Variants in GNG12 observed in about 807,000 individuals in gnomAD.
GNG12 encodes G protein subunit gamma 12, also known as guanine nucleotide-binding protein G(I)/G(S)/G(O) subunit gamma-12.
For synonymous variants in GNG12, 28 were observed against 29.7 expected, an observed-to-expected ratio of 0.94 and a Z score of 0.19; for missense variants, 69 against 83.8, an observed-to-expected ratio of 0.82 and a Z score of 0.69.
intron 1 of GNG12, among the ~76,000 whole-genome samples, chr1:67,832,865 T>A (rs1570585423): frequency 6.6e-6 from 1 of 152,086 alleles, no homozygotes; most frequent in Admixed American, 6.5e-5. Flanking sequence ...CGCCCCCACA[T>A]GCCAGCCCTC....
chr1:67,801,870 C>T (rs1473417221), intron 1 of GNG12, among the ~76,000 whole-genome samples: 2 of 150,304 alleles, frequency 1.3e-5, no homozygotes, highest in Non-Finnish European at 2.9e-5. Flanking sequence ...CAACCAGCAT[C>T]GTTCTTCGCT....
chr1:67,714,425 A>G (rs913650916), intron 2 of GNG12, among the ~76,000 whole-genome samples: 1 of 152,218 alleles, frequency 6.6e-6, no homozygotes, highest in Non-Finnish European at 1.5e-5. Context: ...TTTAAGCCTC[A>G]GCTTTCTCAT....
chr1:67,820,030 T>G (rs184766202), intron 1 of GNG12, among the ~76,000 whole-genome samples: 2 of 151,906 alleles, frequency 1.3e-5, no homozygotes, highest in East Asian at 3.9e-4. Flanking sequence ...AGGAATTTTG[T>G]GTATCTTGTT....
intron 1 of GNG12, among the ~76,000 whole-genome samples, chr1:67,820,758 C>T (rs1164717332): frequency 6.6e-6 from 1 of 152,202 alleles, no homozygotes; most frequent in Non-Finnish European, 1.5e-5. Context: ...AGCTCAGCTA[C>T]TATAAGGAGT....
At position 67,704,782 on chromosome 1, in the gene GNG12, G is replaced by A. The variant is rs985487832; in HGVS notation, c.*669C>T. Reference sequence around the variant, plus strand: ...TCCAGCAAGATTTCAAGAGAGGAGAGATGATTGCATTACTTGATTACAATG... The same window carrying A: ...TCCAGCAAGATTTCAAGAGAGGAGAAATGATTGCATTACTTGATTACAATG... On this transcript the variant is annotated 3_prime_UTR_variant, in exon 4 of 4. Transcript: ENST00000370982. 5 of 152,592 alleles carry A rather than the reference G, an allele frequency of 3.3e-5. No individual in the cohort carries two copies. The highest frequency in any genetic ancestry group is 7.3e-5 in the Non-Finnish European group (5 of 68,040). The allele number at this position is 152,592 out of a possible 1,614,324, so 9.5% of individuals were successfully genotyped here.
At chr1:67,816,987 G>T (rs1362908827) in intron 1 of GNG12, among the ~76,000 whole-genome samples, 1 of 152,178 alleles carries the variant, frequency 6.6e-6, no homozygotes. Context: ...AGTGCTTTAA[G>T]TTATTTTGAT....
intron 1 of GNG12, among the ~76,000 whole-genome samples, chr1:67,790,634 G>A (rs566088668): frequency 6.8e-6 from 1 of 146,392 alleles, no homozygotes; most frequent in Admixed American, 7.0e-5. Flanking sequence ...TTTTGAGATG[G>A]AATCTCGCTC....
intron 2 of GNG12, among the ~76,000 whole-genome samples, chr1:67,718,903 CT>C (rs768972539): frequency 6.6e-6 from 1 of 152,204 alleles, no homozygotes; most frequent in Middle Eastern, 3.2e-3. Context: ...CTACACAGAG[CT>C]TACTATATGC....
chr1:67,741,006 CAAACT>C (rs1646480304), intron 2 of GNG12, among the ~76,000 whole-genome samples: 1 of 151,982 alleles, frequency 6.6e-6, no homozygotes, highest in African/African-American at 2.4e-5. Flanking sequence ...AAAAAAAACC[CAAACT>C]AAAGAATAAA....
At position 67,705,297 on chromosome 1, in the gene GNG12, C is replaced by A; in HGVS notation, c.*154G>T. The A allele has an allele frequency of 2.5e-6, 3 of 1,216,760 alleles. No individual in the cohort carries two copies. The highest frequency in any genetic ancestry group is 3.6e-5 in the South Asian group (2 of 55,686). The allele number at this position is 1,216,760 out of a possible 1,614,324, so 75.4% of individuals were successfully genotyped here. Reference sequence around the variant, plus strand: ...AAGGGTATTTTAAGAGAAAGGACAACTTGGAAAATAGAGACTTCAGAGTCC... The same window carrying A: ...AAGGGTATTTTAAGAGAAAGGACAAATTGGAAAATAGAGACTTCAGAGTCC... On this transcript the variant is annotated 3_prime_UTR_variant, in exon 4 of 4. Transcript: ENST00000370982.
At chr1:67,780,448 C>T (rs1557614964) in intron 1 of GNG12, among the ~76,000 whole-genome samples, 1 of 152,162 alleles carries the variant, frequency 6.6e-6, no homozygotes, top group Non-Finnish European at 1.5e-5. Flanking sequence ...TTATTGGTTT[C>T]TCCCCCAACA....
intron 1 of GNG12, among the ~76,000 whole-genome samples, chr1:67,795,917 TG>T (rs1274605417): frequency 6.6e-6 from 1 of 152,190 alleles, no homozygotes; most frequent in Non-Finnish European, 1.5e-5. Context: ...GGAAACTAAA[TG>T]GTATGAGAAT....
intron 2 of GNG12, among the ~76,000 whole-genome samples, chr1:67,759,061 T>C (rs1304542138): frequency 6.6e-6 from 1 of 152,182 alleles, no homozygotes; most frequent in Non-Finnish European, 1.5e-5. Flanking sequence ...AAAAGATAAA[T>C]GTCTGAGGTG....
At chr1:67,787,027 A>G (rs1246048575) in intron 1 of GNG12, among the ~76,000 whole-genome samples, 16 of 95,580 alleles carry the variant, frequency 1.7e-4, no homozygotes, top group South Asian at 4.1e-4. Flanking sequence ...GTATATATGT[A>G]TGTGTATAAG....
At chr1:67,794,284 T>C (rs1306017240) in intron 1 of GNG12, among the ~76,000 whole-genome samples, 2 of 152,128 alleles carry the variant, frequency 1.3e-5, no homozygotes, top group Admixed American at 1.3e-4. Flanking sequence ...TCAGGAGAGA[T>C]GGGAGCTGTA....
intron 2 of GNG12, among the ~76,000 whole-genome samples, chr1:67,766,098 G>GCACACACACACACACACACACA (rs1278948416): frequency 5.0e-5 from 5 of 100,816 alleles, no homozygotes; most frequent in African/African-American, 2.3e-4. Flanking sequence ...ACAAAACAAG[G>GCACACACACACACACACACACA]CACACACGCA....
At chr1:67,734,622 T>C (rs1646441509) in intron 2 of GNG12, among the ~76,000 whole-genome samples, 1 of 152,150 alleles carries the variant, frequency 6.6e-6, no homozygotes, top group Non-Finnish European at 1.5e-5. Context: ...CATCACATTA[T>C]GTTGCCTTCT....
At chr1:67,763,202 C>T (rs921956643) in intron 2 of GNG12, among the ~76,000 whole-genome samples, 1 of 151,730 alleles carries the variant, frequency 6.6e-6, no homozygotes, top group Non-Finnish European at 1.5e-5. Context: ...TATAACCACA[C>T]CAATTAGTCA....
At chr1:67,772,274 C>T (rs1484665302) in intron 2 of GNG12, among the ~76,000 whole-genome samples, 1 of 152,200 alleles carries the variant, frequency 6.6e-6, no homozygotes, top group Non-Finnish European at 1.5e-5. Context: ...CCTGGGGATT[C>T]AACATGAGGT....
Sources: gnomAD v4.1 joint callset for allele counts (sites outside exome capture counted in the v4.1 genomes callset) on GRCh38, gnomAD v4.1.1 for gene constraint, MANE v1.5 for transcripts, NCBI Gene and HGNC (gene_info 2026-07-23, HGNC 2026-07-21) for gene names.